SORCS2: variants seen among roughly 807,000 people sequenced by gnomAD.
SORCS2 encodes the protein VPS10 domain-containing receptor SorCS2.
In SORCS2, 100 loss-of-function variants were observed where a neutral mutation model predicts 141.6. The observed-to-expected ratio is 0.71, with a 90% confidence interval of 0.60 to 0.83. The LOEUF (loss-of-function observed/expected upper bound fraction) is 0.83. Ranked by LOEUF, SORCS2 falls within the 40% of genes least tolerant of loss-of-function variation. The probability of loss-of-function intolerance (pLI) is 0.00; values close to 1 mark genes in which losing one functional copy is unlikely to be tolerated. For missense variants in SORCS2, 1,646 were observed against 1,560.2 expected (o/e 1.05, Z -0.93); for synonymous variants, 789 against 676.9 (o/e 1.17, Z -2.57).
Position 7,639,715 on chromosome 4 carries a change from A to G in SORCS2, c.813+1223A>G, listed in dbSNP as rs1021616685. 7.7e-5 allele frequency among the ~76,000 whole-genome samples: 11 copies of G among 143,668 alleles called. No homozygotes were observed. The East Asian group carries it at 2.3e-3, about 30-fold the overall frequency. The allele number at this position is 143,668 out of a possible 152,430, so 94.3% of individuals were successfully genotyped here. A position where few individuals can be genotyped will look rare whatever the true frequency, so the allele number is the denominator to read the frequency against. Reference sequence around the variant, plus strand: ...GGTGTCTGTGTGTGAATGTGTGTTCACCTGTGAGTGGGTGTGGGTGTGAGA... The same window carrying G: ...GGTGTCTGTGTGTGAATGTGTGTTCGCCTGTGAGTGGGTGTGGGTGTGAGA... On this transcript the variant is annotated intron_variant, in intron 4 of 26. Coordinates refer to ENST00000507866, the MANE Select transcript of SORCS2 (RefSeq NM_020777.3).
chr4:7,652,159 C>A (rs963632852), intron 4 of SORCS2, among the ~76,000 whole-genome samples: 1 of 152,200 alleles, frequency 6.6e-6, no homozygotes, highest in African/African-American at 2.4e-5. Flanking sequence ...ACCCGACACG[C>A]TGCTGTGCCC....
intron 3 of SORCS2, among the ~76,000 whole-genome samples, chr4:7,574,974 C>T (rs1715652478): frequency 6.6e-6 from 1 of 152,234 alleles, no homozygotes; most frequent in African/African-American, 2.4e-5. Flanking sequence ...TGCCTGAGAG[C>T]CCCATTGTCT....
At chr4:7,495,391 C>A (rs1013437780) in intron 2 of SORCS2, among the ~76,000 whole-genome samples, 2 of 152,198 alleles carry the variant, frequency 1.3e-5, no homozygotes, top group African/African-American at 4.8e-5. Flanking sequence ...GAACTGGGTG[C>A]AAATCTCTGC....
chr4:7,236,127 C>A (rs6820163), intron 1 of SORCS2, among the ~76,000 whole-genome samples: 127,104 of 152,248 alleles, frequency 0.83, 53,127 homozygotes, highest in African/African-American at 0.84. Flanking sequence ...ATGTGGGTAC[C>A]TATACCTGCA....
At chr4:7,535,218 G>A (rs534984614) in intron 3 of SORCS2, among the ~76,000 whole-genome samples, 2 of 152,300 alleles carry the variant, frequency 1.3e-5, no homozygotes, top group South Asian at 4.1e-4. Flanking sequence ...CCCTAGGTTG[G>A]AGGCACCAGG....
At chr4:7,722,731 G>A (rs573051690) in intron 18 of SORCS2, among the ~76,000 whole-genome samples, 12 of 152,320 alleles carry the variant, frequency 7.9e-5, no homozygotes, top group Non-Finnish European at 1.8e-4. Context: ...TGAGGTTCCC[G>A]GTAGACGTGA....
intron 2 of SORCS2, among the ~76,000 whole-genome samples, chr4:7,457,276 G>T (rs1475104375): frequency 6.6e-5 from 10 of 152,242 alleles, no homozygotes; most frequent in Admixed American, 5.9e-4. Flanking sequence ...TCAGTGCTGG[G>T]TGAGGTGACT....
intron 11 of SORCS2, among the ~76,000 whole-genome samples, chr4:7,692,636 G>C (rs1220593402): frequency 6.6e-6 from 1 of 152,208 alleles, no homozygotes; most frequent in Non-Finnish European, 1.5e-5. Flanking sequence ...AGGAGCAAAG[G>C]GATGATGACC....
chr4:7,711,216 G>A (rs1229825430), intron 14 of SORCS2, among the ~76,000 whole-genome samples: 1 of 152,246 alleles, frequency 6.6e-6, no homozygotes, highest in Non-Finnish European at 1.5e-5. Flanking sequence ...GGTCACAGAT[G>A]TAATTCAAGC....
Position 7,661,539 on chromosome 4 carries a change from C to T in SORCS2, c.927C>T (p.His309=), listed in dbSNP as rs1420273352. The change falls in exon 6 of 27, where the codon CAC becomes CAT. Residue 309 remains histidine, a synonymous_variant. Transcript: ENST00000507866. Reference sequence around the variant, plus strand: ...TGGACGCTGACCCTGACTTGGTCCACGTGGAAGCCCAAGACCTCGGTGGAG... The same window carrying T: ...TGGACGCTGACCCTGACTTGGTCCATGTGGAAGCCCAAGACCTCGGTGGAG... ...SGVDADPDLV[H]VEAQDLGGDF... The T allele has an allele frequency of 5.2e-6, 8 of 1,551,776 alleles. No individual in the cohort carries two copies. Among genetic ancestry groups the T allele is most frequent in the Admixed American group, 2.0e-5 (1 of 50,992 alleles).
intron 3 of SORCS2, among the ~76,000 whole-genome samples, chr4:7,584,848 C>T (rs188913873): frequency 9.2e-5 from 14 of 152,274 alleles, no homozygotes; most frequent in African/African-American, 3.4e-4. Flanking sequence ...CTGAGAATAT[C>T]GATGTCATTA....
chr4:7,696,226 G>A (rs1439285438), intron 11 of SORCS2, among the ~76,000 whole-genome samples: 2 of 152,164 alleles, frequency 1.3e-5, no homozygotes, highest in South Asian at 2.1e-4. Context: ...GTCACCCAGG[G>A]TGGGGCCTCT....
In SORCS2 at chr4:7,725,198, C is replaced by G; in HGVS notation, c.2656C>G (p.Leu886Val). Residue 886 changes from leucine (L) to valine (V), a missense_variant, in exon 20 of 27, where the codon CTC (leucine) becomes GTC (valine). Physicochemically the swap from Leu to Val is conservative, Grantham distance 32. Coordinates refer to ENST00000507866, the MANE Select transcript of SORCS2 (RefSeq NM_020777.3). ...CCTGGAGGTGGTTCCTGTCATTGGC[C>G]TCAACCAGGAGGTGAACCTCACAGC... The part of the protein sequence containing the change: ...LYLEVVPVIG[L>V]NQEVNLTAVL... 1.2e-6 allele frequency: 2 copies of G among 1,613,606 alleles called. No homozygotes were observed. Among genetic ancestry groups the G allele is most frequent in the South Asian group, 2.2e-5 (2 of 91,084 alleles).
At chr4:7,642,626 G>A (rs1720820839) in intron 4 of SORCS2, among the ~76,000 whole-genome samples, 1 of 152,192 alleles carries the variant, frequency 6.6e-6, no homozygotes, top group Non-Finnish European at 1.5e-5. Context: ...AACAAATCTG[G>A]TGTATTAGGC....
At chr4:7,326,665 T>C (rs1021578454) in intron 1 of SORCS2, among the ~76,000 whole-genome samples, 4 of 152,232 alleles carry the variant, frequency 2.6e-5, no homozygotes, top group Non-Finnish European at 5.9e-5. Context: ...CACACCACAG[T>C]GATGACAGCC....
chr4:7,474,343 C>G (rs1347074195), intron 2 of SORCS2, among the ~76,000 whole-genome samples: 1 of 152,256 alleles, frequency 6.6e-6, no homozygotes, highest in Non-Finnish European at 1.5e-5. Flanking sequence ...TGTCCCCTCT[C>G]CAGCCTCTCT....
chr4:7,507,373 C>T (rs1732334148), intron 2 of SORCS2, among the ~76,000 whole-genome samples: 1 of 152,094 alleles, frequency 6.6e-6, no homozygotes, highest in South Asian at 2.1e-4. Context: ...CAGGGTTTCA[C>T]CGTGTTAGCC....
intron 1 of SORCS2, among the ~76,000 whole-genome samples, chr4:7,297,944 G>A (rs369334542): frequency 2.5e-3 from 388 of 152,366 alleles, no homozygotes; most frequent in Non-Finnish European, 3.6e-3. Flanking sequence ...GCCCCCTGGG[G>A]CTGGTATCCG....
intron 2 of SORCS2, among the ~76,000 whole-genome samples, chr4:7,522,856 C>T (rs1733419880): frequency 2.8e-5 from 1 of 35,450 alleles, no homozygotes; most frequent in Non-Finnish European, 6.5e-5. Flanking sequence ...TTCTTCCTCC[C>T]TTTTCCCTCC....
Sources: gnomAD v4.1 joint callset for allele counts (sites outside exome capture counted in the v4.1 genomes callset) on GRCh38, gnomAD v4.1.1 for gene constraint, MANE v1.5 for transcripts, NCBI Gene and HGNC (gene_info 2026-07-23, HGNC 2026-07-21) for gene names.